The following KIAA1217 variants were observed in gnomAD, a reference collection of about 807,000 sequenced individuals.
KIAA1217 encodes KIAA1217.
A neutral mutation model predicts 163.9 loss-of-function variants in KIAA1217; 88 were observed. The ratio of observed to expected loss-of-function variants is 0.54; its 90% CI spans 0.45 to 0.64. KIAA1217 has a LOEUF of 0.64. Among genes scored for constraint, KIAA1217 ranks in the 30% least tolerant of loss-of-function variants. The probability of loss-of-function intolerance (pLI) is 0.00; values close to 1 mark genes in which losing one functional copy is unlikely to be tolerated. For missense variants in KIAA1217, 2,372 were observed against 2,475.0 expected, an observed-to-expected ratio of 0.96 and a Z score of 0.88; for synonymous variants, 903 against 923.1, an observed-to-expected ratio of 0.98 and a Z score of 0.39.
chr10:24,477,983 T>C (rs2064226731), intron 6 of KIAA1217, among the ~76,000 whole-genome samples: 1 of 152,238 alleles, frequency 6.6e-6, no homozygotes. Flanking sequence ...CTGTTGCAAT[T>C]TCATAATATT....
intron 1 of KIAA1217, among the ~76,000 whole-genome samples, chr10:23,779,871 T>G (rs1835177678): frequency 6.6e-6 from 1 of 152,212 alleles, no homozygotes; most frequent in Non-Finnish European, 1.5e-5. Context: ...TATGTTTAGA[T>G]ACACAAATAT....
At chr10:24,444,466 C>G (rs2060758438) in intron 5 of KIAA1217, among the ~76,000 whole-genome samples, 1 of 152,156 alleles carries the variant, frequency 6.6e-6, no homozygotes, top group South Asian at 2.1e-4. Context: ...AATCATTTAG[C>G]TGTGTGTTCA....
chr10:24,369,179 A>ATGTGTGTGTGTG (rs59687010), intron 2 of KIAA1217, among the ~76,000 whole-genome samples: 7,049 of 139,480 alleles, frequency 0.051, 239 homozygotes, highest in African/African-American at 0.063. Flanking sequence ...AACTTTCACT[A>ATGTGTGTGTGTG]TGTGTGTGTG....
intron 1 of KIAA1217, among the ~76,000 whole-genome samples, chr10:23,717,147 C>T (rs1020773253): frequency 3.3e-5 from 5 of 152,128 alleles, no homozygotes; most frequent in African/African-American, 1.2e-4. Flanking sequence ...ACTATCTTTA[C>T]GTCTTCACCT....
chr10:24,202,894 A>G (rs2067340566), intron 2 of KIAA1217, among the ~76,000 whole-genome samples: 1 of 152,194 alleles, frequency 6.6e-6, no homozygotes, highest in African/African-American at 2.4e-5. Flanking sequence ...GAATTTTAGA[A>G]AATAGGTATA....
chr10:23,728,105 C>T (rs569783478), intron 1 of KIAA1217, among the ~76,000 whole-genome samples: 2 of 152,294 alleles, frequency 1.3e-5, no homozygotes, highest in East Asian at 1.9e-4. Context: ...CTGCAATAAA[C>T]ATACATGTGC....
intron 2 of KIAA1217, among the ~76,000 whole-genome samples, chr10:24,123,848 T>A (rs1004777238): frequency 1.3e-5 from 2 of 152,336 alleles, no homozygotes; most frequent in South Asian, 4.1e-4. Flanking sequence ...CTCTTAGATG[T>A]AAGGACTTTC....
chr10:23,928,705 A>G (rs1014430908), intron 1 of KIAA1217, among the ~76,000 whole-genome samples: 1 of 152,200 alleles, frequency 6.6e-6, no homozygotes, highest in Non-Finnish European at 1.5e-5. Context: ...TGAGGTAGAT[A>G]CCATTATTAT....
In KIAA1217 at chr10:24,318,255, T is replaced by C. The variant is rs545718436; in HGVS notation, c.355-62614T>C. Among the ~76,000 whole-genome samples the C allele has an allele frequency of 2.0e-5, 3 of 152,166 alleles. No individual in the cohort carries two copies. In the South Asian group the frequency reaches 6.2e-4, roughly 32 times the overall value. Reference sequence around the variant, plus strand: ...ATGGATAGATGGATGTATAGATAGATGAATAGGTAGGTAGATAGATAGATA... The same window carrying C: ...ATGGATAGATGGATGTATAGATAGACGAATAGGTAGGTAGATAGATAGATA... On this transcript the variant is annotated intron_variant, in intron 2 of 20. Transcript: ENST00000376454.
intron 2 of KIAA1217, among the ~76,000 whole-genome samples, chr10:24,025,203 A>G (rs1688350277): frequency 6.6e-6 from 1 of 151,748 alleles, no homozygotes; most frequent in Non-Finnish European, 1.5e-5. Context: ...TTGGTCTGAG[A>G]TAAGCATTGA....
At chr10:24,263,126 C>T (rs539550256) in intron 2 of KIAA1217, among the ~76,000 whole-genome samples, 5 of 152,288 alleles carry the variant, frequency 3.3e-5, no homozygotes, top group South Asian at 2.1e-4. Flanking sequence ...CTGTTCCAGA[C>T]TTGGGCTGAT....
chr10:24,296,312 G>A (rs947098292), intron 2 of KIAA1217, among the ~76,000 whole-genome samples: 12 of 152,076 alleles, frequency 7.9e-5, no homozygotes, highest in African/African-American at 2.9e-4. Context: ...ATGTTGCCAA[G>A]GCTGGTTGGT....
intron 1 of KIAA1217, among the ~76,000 whole-genome samples, chr10:24,003,814 T>A (rs12218712): frequency 0.23 from 35,355 of 152,148 alleles, 4,976 homozygotes; most frequent in East Asian, 0.38. Flanking sequence ...TCAGACTCAG[T>A]GGGTTTCATA....
intron 1 of KIAA1217, among the ~76,000 whole-genome samples, chr10:23,804,144 G>A (rs1226060342): frequency 2.0e-5 from 3 of 152,118 alleles, no homozygotes; most frequent in African/African-American, 7.2e-5. Flanking sequence ...TCTAGATCAT[G>A]TTTTCAACCA....
rs143159540 is a variant in KIAA1217 at position 24,219,676 on chromosome 10, C to T, written c.121C>T (p.Arg41Cys). Reference sequence around the variant, plus strand: ...AACATCACCAGAAGATGCAGAATGCCGCAGAACCAAGGAACGCCTTTCTAA... The same window carrying T: ...AACATCACCAGAAGATGCAGAATGCTGCAGAACCAAGGAACGCCTTTCTAA... ...HVTSPEDAEC[R>C]RTKERLSNGN... Residue 41 changes from arginine (R) to cysteine (C), a missense_variant, in exon 2 of 21, where the codon CGC becomes TGC. Transcript: ENST00000376454. The T allele has an allele frequency of 2.6e-5, 42 of 1,613,134 alleles. No homozygotes were observed. Among genetic ancestry groups the T allele is most frequent in the African/African-American group, 5.3e-5 (4 of 74,866 alleles).
At chr10:24,213,984 C>T (rs2068487055) in intron 1 of KIAA1217, among the ~76,000 whole-genome samples, 7 of 100,654 alleles carry the variant, frequency 7.0e-5, no homozygotes, top group Admixed American at 6.3e-4. Flanking sequence ...GACCCCATCT[C>T]TACAAAAAAA....
At chr10:24,238,609 GCA>G (rs138705664) in intron 2 of KIAA1217, among the ~76,000 whole-genome samples, 9 of 151,256 alleles carry the variant, frequency 6.0e-5, no homozygotes, top group South Asian at 2.1e-4. Context: ...GAGGGGAAAT[GCA>G]CACACACACA....
At chr10:23,770,166 T>C (rs1834729800) in intron 1 of KIAA1217, among the ~76,000 whole-genome samples, 1 of 152,194 alleles carries the variant, frequency 6.6e-6, no homozygotes, top group African/African-American at 2.4e-5. Flanking sequence ...TATGAGGAAA[T>C]TGATGTGTGG....
chr10:24,284,686 T>C (rs2078352395), intron 2 of KIAA1217, among the ~76,000 whole-genome samples: 1 of 152,186 alleles, frequency 6.6e-6, no homozygotes, highest in South Asian at 2.1e-4. Context: ...TTGTCAATAG[T>C]GTTGCAATAA....
Sources: allele counts gnomAD v4.1 joint callset (sites outside exome capture counted in the v4.1 genomes callset), GRCh38; gene constraint gnomAD v4.1.1; transcripts MANE v1.5; gene names NCBI Gene and HGNC (gene_info 2026-07-23, HGNC 2026-07-21).